CDCA5: variants seen among roughly 807,000 people sequenced by gnomAD.
The protein encoded by CDCA5 is sororin.
Under a neutral mutation model 25.7 loss-of-function variants are expected in CDCA5, and 14 were observed. The observed-to-expected ratio is 0.54, with a 90% CI of 0.36 to 0.85. The LOEUF is 0.85. Among genes scored for constraint, CDCA5 ranks in the 40% least tolerant of loss-of-function variants. The pLI, the probability that CDCA5 is intolerant of heterozygous loss-of-function variation, is 0.01. For missense variants in CDCA5, 307 were observed against 324.5 expected (o/e 0.95, Z 0.41); for synonymous variants, 127 against 128.7 (o/e 0.99, Z 0.09).
chr11:65,068,642 TC>T, intron 1 of CDCA5: 2 of 1,178,926 alleles, frequency 1.7e-6, no homozygotes, highest in Non-Finnish European at 2.2e-6. Context: ...ACATCTACCA[TC>T]CCCGCTATGC....
At chr11:65,081,077 A>C (rs940660642) in intron 4 of CDCA5, among the ~76,000 whole-genome samples, 3 of 152,186 alleles carry the variant, frequency 2.0e-5, no homozygotes, top group Non-Finnish European at 4.4e-5. Flanking sequence ...AACAACAAGG[A>C]GGCCAGTGTG....
At chr11:65,072,185 A>G (rs1277702611) in intron 1 of CDCA5, among the ~76,000 whole-genome samples, 1 of 152,176 alleles carries the variant, frequency 6.6e-6, no homozygotes, top group East Asian at 1.9e-4. Context: ...AGAAGAGAAA[A>G]CCATGGCTCA....
rs1565283047 is a variant in CDCA5, at chr11:65,078,862, G to A, written c.*245C>T. On this transcript the variant is annotated 3_prime_UTR_variant, in exon 6 of 6. Coordinates refer to ENST00000275517, the MANE Select transcript of CDCA5 (RefSeq NM_080668.4). ...CTGGCTATGGTACTTTGGGGAGATA[G>A]GAAGGACAGGACGACAAGAGACAGG... 1.1e-5 allele frequency: 14 copies of A among 1,219,520 alleles called. No individual in the cohort carries two copies. The highest frequency in any genetic ancestry group is 1.4e-5 in the Non-Finnish European group (14 of 979,530). 75.5% of individuals were successfully genotyped at this position (1,219,520 alleles called of 1,614,324 possible).
intron 2 of CDCA5, chr11:65,068,166 A>T: frequency 3.4e-6 from 4 of 1,191,732 alleles, no homozygotes; most frequent in South Asian, 1.3e-5. Context: ...ACGGCTGCTC[A>T]CCCAAGAGCC....
At chr11:65,076,464 G>T (rs1159846477), downstream of CDCA5, among the ~76,000 whole-genome samples, 1 of 152,082 alleles carries the variant, frequency 6.6e-6, no homozygotes, top group Non-Finnish European at 1.5e-5. Flanking sequence ...TTAGGACTTG[G>T]AAGAAAAAGA....
In CDCA5 at chr11:65,078,719, A is replaced by C; in HGVS notation, c.*388T>G. On this transcript the variant is annotated 3_prime_UTR_variant, in exon 6 of 6. Transcript: ENST00000275517. The stretch of plus-strand genomic sequence containing the variant: ...CGAGGCTGGCAGAGCCCCTGGGCCT[A>C]TTTCCAAGCAGCCACCCCTCCCAAC... The C allele has an allele frequency of 9.9e-7, 1 of 1,012,126 alleles. No homozygotes were observed. Among genetic ancestry groups the C allele is most frequent in the Non-Finnish European group, 1.2e-6 (1 of 848,258 alleles). 62.7% of individuals were successfully genotyped at this position (1,012,126 alleles called of 1,614,324 possible). A position where few individuals can be genotyped will look rare whatever the true frequency, so the allele number is the denominator to read the frequency against.
chr11:65,070,009 G>C (rs1362073239), intron 1 of CDCA5, among the ~76,000 whole-genome samples: 3 of 152,226 alleles, frequency 2.0e-5, no homozygotes, highest in African/African-American at 7.2e-5. Context: ...CATGCATTCT[G>C]CTTCGGAGCT....
chr11:65,067,991 A>ACTCTCTCTCT, intron 3 of CDCA5: 1 of 1,130,714 alleles, frequency 8.8e-7, no homozygotes, highest in Non-Finnish European at 1.2e-6. Flanking sequence ...CTGCATGGGC[A>ACTCTCTCTCT]CTCTCTCTCT....
At chr11:65,066,871 T>C (rs1310445053) in exon 5 of CDCA5, 1 of 1,289,234 alleles carries the variant, frequency 7.8e-7, no homozygotes. Context: ...GTTCAGTGAC[T>C]CCCGAAGCCT....
Position 65,078,833 on chromosome 11 carries a change from G to C in CDCA5, c.*274C>G. 8.5e-7 allele frequency: 1 copy of C among 1,178,786 alleles called. No homozygotes were observed. The highest frequency in any genetic ancestry group is 1.6e-5 in the African/African-American group (1 of 63,448). The allele number at this position is 1,178,786 out of a possible 1,614,324, so 73.0% of individuals were successfully genotyped here. A position where few individuals can be genotyped will look rare whatever the true frequency, so the allele number is the denominator to read the frequency against. ...TCCTCCCCAGTCTGTGGCCCATCTG[G>C]AAACTGGCTATGGTACTTTGGGGAG... On this transcript the variant is annotated 3_prime_UTR_variant, in exon 6 of 6. Transcript: ENST00000275517.
Position 65,084,023 on chromosome 11 carries a change from C to A in CDCA5, c.-45G>T. The A allele has an allele frequency of 6.3e-7, 1 of 1,585,198 alleles. No individual in the cohort carries two copies. ...GCTCCTCCAGCGCCGCCGCCCCGGG[C>A]GCGCGCCAACCGGGAAGGCCACTCG... is the stretch of plus-strand genomic sequence containing the variant. On this transcript the variant is annotated 5_prime_UTR_variant, in exon 1 of 6. Coordinates refer to ENST00000275517, the MANE Select transcript of CDCA5 (RefSeq NM_080668.4).
chr11:65,078,575 G>T lies in CDCA5; in HGVS notation c.*532C>A, dbSNP rs538784004. On this transcript the variant is annotated 3_prime_UTR_variant, in exon 6 of 6. Coordinates refer to ENST00000275517, the MANE Select transcript of CDCA5 (RefSeq NM_080668.4). ...CAAGACAGAATTGCCCTCAGCCCAC[G>T]AATTCTCTCTGGGACTATTTACAGA... is the stretch of plus-strand genomic sequence containing the variant. 1.0e-6 allele frequency: 1 copy of T among 985,722 alleles called. No individual in the cohort carries two copies. Among genetic ancestry groups the T allele is most frequent in the Non-Finnish European group, 1.2e-6 (1 of 830,210 alleles). 61.1% of individuals were successfully genotyped at this position (985,722 alleles called of 1,614,324 possible). A position where few individuals can be genotyped will look rare whatever the true frequency, so the allele number is the denominator to read the frequency against.
chr11:65,079,437 G>A lies in CDCA5; in HGVS notation c.594C>T (p.Pro198=). 6.2e-7 allele frequency: 1 copy of A among 1,614,090 alleles called. No homozygotes were observed. Among genetic ancestry groups the A allele is most frequent in the Non-Finnish European group, 8.5e-7 (1 of 1,180,008 alleles). The change falls in exon 5 of 6, where the codon CCC becomes CCT. Residue 198 remains proline (P), a synonymous_variant. Transcript: ENST00000275517. ...LTEVPRVCAK[P]WAPDMTLPGI... ...CAGGGAGAGTCATGTCTGGGGCCCA[G>A]GGCTTTGCACAAACCCTGGGGACCT...
At chr11:65,073,485 T>C (rs1947380425), downstream of CDCA5, among the ~76,000 whole-genome samples, 1 of 152,066 alleles carries the variant, frequency 6.6e-6, no homozygotes, top group Admixed American at 6.6e-5. Context: ...CCAGACTTAA[T>C]GACGCGGGGC....
At chr11:65,069,618 A>T (rs1947303334) in intron 1 of CDCA5, among the ~76,000 whole-genome samples, 2 of 152,292 alleles carry the variant, frequency 1.3e-5, no homozygotes, top group African/African-American at 4.8e-5. Flanking sequence ...AGAACGATGG[A>T]GAGTCATGCC....
chr11:65,067,680 T>TG lies in CDCA5; in HGVS notation c.342dup (p.Arg115GlnfsTer6). On this transcript the variant is annotated frameshift_variant, in exon 4 of 7. Transcript: ENST00000525464. LOFTEE classifies it high-confidence loss of function. ...CTCATGCAGTCATTCTGCAACTGCCTGATCTCCTTTGAGGTCCGCTGGGGG... is the reference window on the plus strand; with the variant it reads ...CTCATGCAGTCATTCTGCAACTGCCTGGATCTCCTTTGAGGTCCGCTGGGGG... 1 of 1,289,784 alleles carries TG rather than the reference T, an allele frequency of 7.8e-7. No homozygotes were observed. Among genetic ancestry groups the TG allele is most frequent in the Non-Finnish European group, 1.0e-6 (1 of 988,840 alleles). 79.9% of individuals were successfully genotyped at this position (1,289,784 alleles called of 1,614,324 possible). A position where few individuals can be genotyped will look rare whatever the true frequency, so the allele number is the denominator to read the frequency against.
At chr11:65,072,511 G>A (rs1001569978), downstream of CDCA5, among the ~76,000 whole-genome samples, 1 of 152,240 alleles carries the variant, frequency 6.6e-6, no homozygotes, top group African/African-American at 2.4e-5. Flanking sequence ...GCACACTGGT[G>A]GGACTAGAAT....
chr11:65,067,862 C>G, intron 3 of CDCA5: 2 of 821,432 alleles, frequency 2.4e-6, no homozygotes, highest in Non-Finnish European at 3.5e-6. Flanking sequence ...GCAGGCCTCT[C>G]TGGGCCTCCT....
At chr11:65,063,115 C>A (rs530031020), downstream of CDCA5, among the ~76,000 whole-genome samples, 5 of 152,238 alleles carry the variant, frequency 3.3e-5, no homozygotes, top group Non-Finnish European at 7.3e-5. Context: ...GGGCACGAGA[C>A]CCCTGGGAAG....
Sources: gnomAD v4.1 joint callset for allele counts (sites outside exome capture counted in the v4.1 genomes callset) on GRCh38, gnomAD v4.1.1 for gene constraint, MANE v1.5 for transcripts, NCBI Gene and HGNC (gene_info 2026-07-23, HGNC 2026-07-21) for gene names.